The following ATP8A2 variants were observed in gnomAD, a reference collection of about 807,000 sequenced individuals.
ATP8A2 encodes ATPase phospholipid transporting 8A2.
A neutral mutation model predicts 165.6 loss-of-function variants in ATP8A2; 100 were observed. That is an observed-to-expected ratio of 0.60 (90% CI 0.51 to 0.71). ATP8A2 has a LOEUF of 0.71. Among genes scored for constraint, ATP8A2 ranks in the 30% least tolerant of loss-of-function variants. The pLI, the probability that ATP8A2 is intolerant of heterozygous loss-of-function variation, is 0.00. For missense variants in ATP8A2, 1,227 were observed against 1,479.5 expected, an observed-to-expected ratio of 0.83 and a Z score of 2.80; for synonymous variants, 543 against 548.8, an observed-to-expected ratio of 0.99 and a Z score of 0.15.
At chr13:25,455,154 C>G (rs993540453) in intron 1 of ATP8A2, among the ~76,000 whole-genome samples, 3 of 152,176 alleles carry the variant, frequency 2.0e-5, no homozygotes, top group Non-Finnish European at 4.4e-5. Context: ...CACTGTGCCC[C>G]ACAGCAATGT....
chr13:25,883,833 A>G (rs954949122), intron 33 of ATP8A2, among the ~76,000 whole-genome samples: 1 of 152,184 alleles, frequency 6.6e-6, no homozygotes, highest in Admixed American at 6.5e-5. Flanking sequence ...TGCGTGTGCA[A>G]GTCAGGGTCA....
chr13:25,755,797 C>T (rs2044248625), intron 25 of ATP8A2, among the ~76,000 whole-genome samples: 1 of 152,014 alleles, frequency 6.6e-6, no homozygotes, highest in Non-Finnish European at 1.5e-5. Flanking sequence ...ATCCCAGCTA[C>T]TTGGGAGGCT....
chr13:25,752,937 T>G lies in ATP8A2; in HGVS notation c.2385-16109T>G, dbSNP rs115597181. 9.0e-3 allele frequency among the ~76,000 whole-genome samples: 1,365 copies of G among 152,292 alleles called. 31 individuals are homozygous for G. The highest frequency in any genetic ancestry group is 0.031 in the African/African-American group (1,304 of 41,556). ...GCCACCCTCTAGCGTGTCTTTGAGC[T>G]ATGTGTGATAGCAGGTTTTACTGGG... On this transcript the variant is annotated intron_variant, in intron 25 of 36. Transcript: ENST00000381655.
At chr13:25,504,928 G>A (rs942182161) in intron 2 of ATP8A2, among the ~76,000 whole-genome samples, 2 of 152,020 alleles carry the variant, frequency 1.3e-5, no homozygotes, top group Non-Finnish European at 2.9e-5. Flanking sequence ...GCCATCGGAC[G>A]CTATTAACTT....
chr13:25,928,410 T>C (rs1409721588), intron 33 of ATP8A2, among the ~76,000 whole-genome samples: 1 of 152,238 alleles, frequency 6.6e-6, no homozygotes, highest in Non-Finnish European at 1.5e-5. Flanking sequence ...TCATTTACAT[T>C]GAGCCTGTAT....
At chr13:25,851,080 A>G (rs1270729873) in intron 30 of ATP8A2, among the ~76,000 whole-genome samples, 1 of 152,134 alleles carries the variant, frequency 6.6e-6, no homozygotes, top group Admixed American at 6.5e-5. Context: ...GGAATAAACT[A>G]TTTCCAGATG....
intron 25 of ATP8A2, among the ~76,000 whole-genome samples, chr13:25,704,341 T>G (rs2043012127): frequency 6.6e-6 from 1 of 151,456 alleles, no homozygotes; most frequent in African/African-American, 2.4e-5. Context: ...CTAGGACTTT[T>G]TTTTTTTTTT....
intron 25 of ATP8A2, among the ~76,000 whole-genome samples, chr13:25,737,296 G>GTTATT (rs943994233): frequency 2.0e-5 from 3 of 152,128 alleles, no homozygotes; most frequent in Non-Finnish European, 4.4e-5. Flanking sequence ...TTATGTTTGT[G>GTTATT]TTATTTTATT....
At chr13:25,664,659 A>C (rs576153441) in intron 24 of ATP8A2, among the ~76,000 whole-genome samples, 1 of 152,304 alleles carries the variant, frequency 6.6e-6, no homozygotes, top group South Asian at 2.1e-4. Flanking sequence ...ATCCAAAACC[A>C]GGTAGCCAGA....
intron 24 of ATP8A2, among the ~76,000 whole-genome samples, chr13:25,603,772 GT>G (rs2138388551): frequency 6.6e-6 from 1 of 152,268 alleles, no homozygotes; most frequent in South Asian, 2.1e-4. Flanking sequence ...GAAGGATCAG[GT>G]TGCCATTTCT....
chr13:25,744,940 CT>C lies in ATP8A2; in HGVS notation c.2385-24102del, dbSNP rs559566090. ...AGGGGCCCAGTTTTTCTTTTCTTTT[CT>C]TTTCTTTTCTTTTTTGAGATGGAGT... On this transcript the variant is annotated intron_variant, in intron 25 of 36. Transcript: ENST00000381655. 1.9e-3 allele frequency among the ~76,000 whole-genome samples: 282 copies of C among 152,050 alleles called. 1 individual carries two copies. The highest frequency in any genetic ancestry group is 0.014 in the Middle Eastern group (4 of 294).
intron 35 of ATP8A2, among the ~76,000 whole-genome samples, chr13:25,979,217 A>C (rs1956130223): frequency 6.6e-6 from 1 of 152,240 alleles, no homozygotes; most frequent in Non-Finnish European, 1.5e-5. Flanking sequence ...AATATGTAAA[A>C]GTTATCACCA....
At chr13:25,819,868 A>G (rs758629574) in intron 27 of ATP8A2, among the ~76,000 whole-genome samples, 1 of 152,186 alleles carries the variant, frequency 6.6e-6, no homozygotes. Context: ...ATTTAAACAG[A>G]TATCTTTGGT....
At chr13:25,524,770 A>G (rs572026620) in intron 2 of ATP8A2, among the ~76,000 whole-genome samples, 1 of 152,068 alleles carries the variant, frequency 6.6e-6, no homozygotes, top group African/African-American at 2.4e-5. Flanking sequence ...TTCTTTATCC[A>G]TTCAGCTATA....
At chr13:25,727,980 TG>T (rs2138068328) in intron 25 of ATP8A2, among the ~76,000 whole-genome samples, 1 of 152,272 alleles carries the variant, frequency 6.6e-6, no homozygotes, top group African/African-American at 2.4e-5. Flanking sequence ...CCTACTCACC[TG>T]TGCAAATGCC....
chr13:25,968,803 A>G, intron 35 of ATP8A2, 124 bp downstream of exon 35: 1 of 731,954 alleles, frequency 1.4e-6, no homozygotes, highest in East Asian at 2.7e-5. Flanking sequence ...CAGGCTTAAG[A>G]ATTTTGGTTA....
intron 33 of ATP8A2, among the ~76,000 whole-genome samples, chr13:25,938,171 T>C (rs1303096266): frequency 6.7e-6 from 1 of 148,908 alleles, no homozygotes; most frequent in Non-Finnish European, 1.5e-5. Flanking sequence ...AGTGACCTGG[T>C]TAAAAAAAAA....
chr13:25,957,577 G>A (rs936295828), intron 33 of ATP8A2, among the ~76,000 whole-genome samples: 16 of 152,160 alleles, frequency 1.1e-4, no homozygotes, highest in African/African-American at 3.9e-4. Flanking sequence ...ACCATTTGAC[G>A]CCAGTTAGAA....
intron 34 of ATP8A2, among the ~76,000 whole-genome samples, chr13:25,964,300 C>G (rs1309137376): frequency 6.6e-6 from 1 of 152,178 alleles, no homozygotes; most frequent in Admixed American, 6.5e-5. Flanking sequence ...TTTGTAATAT[C>G]TATTTAATAT....
Sources: gnomAD v4.1 joint callset for allele counts (sites outside exome capture counted in the v4.1 genomes callset) on GRCh38, gnomAD v4.1.1 for gene constraint, MANE v1.5 for transcripts, NCBI Gene and HGNC (gene_info 2026-07-23, HGNC 2026-07-21) for gene names.